NRXN3: variants seen among roughly 807,000 people sequenced by gnomAD.
NRXN3 encodes the protein neurexin 3.
A neutral mutation model predicts 137.6 loss-of-function variants in NRXN3; 32 were observed. The observed-to-expected ratio is 0.23, with a 90% CI of 0.18 to 0.31. The LOEUF is 0.31. NRXN3 is among the 10% of genes least tolerant of loss of function. The pLI is 1.00. For missense variants in NRXN3, 1,574 were observed against 2,062.5 expected, an observed-to-expected ratio of 0.76 and a Z score of 4.59; for synonymous variants, 798 against 784.5, an observed-to-expected ratio of 1.02 and a Z score of -0.29.
At chr14:78,460,299 C>T (rs2094884646) in intron 4 of NRXN3, among the ~76,000 whole-genome samples, 1 of 152,196 alleles carries the variant, frequency 6.6e-6, no homozygotes, top group Admixed American at 6.5e-5. Flanking sequence ...TAATTGATTA[C>T]ATCATTGCCA....
chr14:79,006,476 A>G (rs1234737579), intron 15 of NRXN3, among the ~76,000 whole-genome samples: 1 of 152,208 alleles, frequency 6.6e-6, no homozygotes, highest in East Asian at 1.9e-4. Context: ...TAGTCAAAGT[A>G]TAGTAGTCAA....
At chr14:78,797,630 C>T (rs749889981) in intron 8 of NRXN3, among the ~76,000 whole-genome samples, 12 of 152,026 alleles carry the variant, frequency 7.9e-5, no homozygotes, top group South Asian at 2.1e-4. Context: ...ATTCACTAGA[C>T]GAGCTCAATG....
intron 4 of NRXN3, among the ~76,000 whole-genome samples, chr14:78,422,588 C>G (rs913299462): frequency 3.3e-5 from 5 of 150,674 alleles, no homozygotes; most frequent in African/African-American, 1.2e-4. Context: ...CTTCAACATA[C>G]CAGAGAGCTA....
chr14:79,329,538 G>A (rs1049205555), intron 15 of NRXN3, among the ~76,000 whole-genome samples: 2 of 152,150 alleles, frequency 1.3e-5, no homozygotes, highest in African/African-American at 4.8e-5. Flanking sequence ...GTACCATGAA[G>A]TGCGGCTATA....
intron 4 of NRXN3, among the ~76,000 whole-genome samples, chr14:78,391,850 G>A (rs951838021): frequency 1.4e-4 from 21 of 152,082 alleles, no homozygotes; most frequent in African/African-American, 3.9e-4. Context: ...TTTCACAACA[G>A]CCAAAAATTA....
chr14:78,877,910 G>T (rs555933539), intron 10 of NRXN3, among the ~76,000 whole-genome samples: 1 of 152,300 alleles, frequency 6.6e-6, no homozygotes, highest in Admixed American at 6.5e-5. Context: ...TCCCATAGAG[G>T]TTGCAGTTTG....
chr14:78,462,642 C>T (rs1177767733), intron 4 of NRXN3, among the ~76,000 whole-genome samples: 1 of 152,118 alleles, frequency 6.6e-6, no homozygotes, highest in Non-Finnish European at 1.5e-5. Context: ...GTTGGTTTTC[C>T]TCTTTATTCT....
chr14:79,507,303 T>C (rs1243189432), intron 16 of NRXN3, among the ~76,000 whole-genome samples: 5 of 152,246 alleles, frequency 3.3e-5, no homozygotes, highest in African/African-American at 9.6e-5. Flanking sequence ...AAGTTTCATA[T>C]GATTTTTACT....
Position 79,407,556 on chromosome 14 carries a change from G to C in NRXN3, c.3263-59665G>C, listed in dbSNP as rs914317467. The stretch of plus-strand genomic sequence containing the variant: ...AATTAAAACAGCATGCTCAGGGATA[G>C]AGCACATAGTAAGGCTTTTAGCTTA... On this transcript the variant is annotated intron_variant, in intron 15 of 20. Transcript: ENST00000335750. Among the ~76,000 whole-genome samples, 36 of 152,132 alleles carry C rather than the reference G, an allele frequency of 2.4e-4. 2 individuals carry two copies. Among genetic ancestry groups the C allele is most frequent in the Admixed American group, 2.3e-3 (35 of 15,258 alleles).
At chr14:78,353,637 T>A (rs186217278) in intron 4 of NRXN3, among the ~76,000 whole-genome samples, 1 of 151,976 alleles carries the variant, frequency 6.6e-6, no homozygotes, top group Non-Finnish European at 1.5e-5. Context: ...GAAAAAAAAA[T>A]CTGCAAACAT....
chr14:78,940,306 C>A (rs1242779927), intron 10 of NRXN3, among the ~76,000 whole-genome samples: 1 of 152,112 alleles, frequency 6.6e-6, no homozygotes, highest in Non-Finnish European at 1.5e-5. Flanking sequence ...ACTTGAACAC[C>A]ACTATCTTCT....
At chr14:79,340,455 T>C (rs924846562) in intron 15 of NRXN3, among the ~76,000 whole-genome samples, 2 of 152,122 alleles carry the variant, frequency 1.3e-5, no homozygotes, top group Non-Finnish European at 2.9e-5. Flanking sequence ...TTTGACTTTT[T>C]ATTTACGTAT....
At chr14:79,185,594 T>C (rs1241611896) in intron 15 of NRXN3, among the ~76,000 whole-genome samples, 2 of 151,772 alleles carry the variant, frequency 1.3e-5, no homozygotes, top group Admixed American at 6.6e-5. Context: ...GCCTCCCGAG[T>C]AGCTGGGACT....
chr14:78,501,708 C>T (rs2095879055), intron 4 of NRXN3, among the ~76,000 whole-genome samples: 1 of 152,044 alleles, frequency 6.6e-6, no homozygotes. Flanking sequence ...TCTTAAGGCA[C>T]AATGAGTTAC....
intron 20 of NRXN3, among the ~76,000 whole-genome samples, chr14:79,847,710 TTCTCCTTAAA>T (rs1295227698): frequency 6.6e-6 from 1 of 152,154 alleles, no homozygotes; most frequent in East Asian, 1.9e-4. Flanking sequence ...AAAGGGAGAA[TTCTCCTTAAA>T]TCTCTTGGAA....
intron 20 of NRXN3, among the ~76,000 whole-genome samples, chr14:79,859,560 C>T (rs537844724): frequency 2.0e-5 from 3 of 152,004 alleles, no homozygotes; most frequent in African/African-American, 7.2e-5. Flanking sequence ...TGTGTAGGCT[C>T]CAAGGCTTAT....
chr14:79,826,956 G>T (rs973315903), intron 20 of NRXN3, among the ~76,000 whole-genome samples: 4 of 152,106 alleles, frequency 2.6e-5, no homozygotes, highest in African/African-American at 9.7e-5. Flanking sequence ...GGCAAGGAAG[G>T]ACCTGTGTTT....
intron 15 of NRXN3, among the ~76,000 whole-genome samples, chr14:79,112,507 A>G (rs1213183772): frequency 2.0e-5 from 3 of 152,224 alleles, no homozygotes; most frequent in Non-Finnish European, 2.9e-5. Flanking sequence ...GTTTCTTGAA[A>G]CTTTGAATGA....
intron 7 of NRXN3, among the ~76,000 whole-genome samples, chr14:78,710,690 A>G (rs537791757): frequency 6.6e-6 from 1 of 152,316 alleles, no homozygotes; most frequent in Admixed American, 6.5e-5. Flanking sequence ...AAGTTCCCCA[A>G]AAGGCTGAAA....
Sources: allele counts gnomAD v4.1 joint callset (sites outside exome capture counted in the v4.1 genomes callset), GRCh38; gene constraint gnomAD v4.1.1; transcripts MANE v1.5; gene names NCBI Gene and HGNC (gene_info 2026-07-23, HGNC 2026-07-21).